The following MCC variants were observed in gnomAD, a reference collection of about 807,000 sequenced individuals.
The protein encoded by MCC is colorectal mutant cancer protein.
Under a neutral mutation model 116.2 loss-of-function variants are expected in MCC, and 90 were observed. The observed-to-expected ratio is 0.77, with a 90% CI of 0.65 to 0.92. The LOEUF (loss-of-function observed/expected upper bound fraction) is 0.92, where lower values mean the gene tolerates loss of function less well. Among genes scored for constraint, MCC ranks in the 40% least tolerant of loss-of-function variants. The pLI, the probability that MCC is intolerant of heterozygous loss-of-function variation, is 0.00. For missense variants in MCC, 1,516 were observed against 1,312.2 expected, an observed-to-expected ratio of 1.16 and a Z score of -2.40; for synonymous variants, 578 against 510.5, an observed-to-expected ratio of 1.13 and a Z score of -1.78.
At chr5:113,135,084 C>T (rs529884477) in intron 5 of MCC, among the ~76,000 whole-genome samples, 6 of 151,368 alleles carry the variant, frequency 4.0e-5, no homozygotes, top group Non-Finnish European at 8.9e-5. Context: ...TGACTACAGG[C>T]GTCTGCCACC....
chr5:113,357,476 G>A (rs11948446), intron 2 of MCC, among the ~76,000 whole-genome samples: 4,616 of 152,120 alleles, frequency 0.03, 225 homozygotes, highest in African/African-American at 0.11. Context: ...AGGAATGTCC[G>A]GTGACCATCA....
chr5:113,450,954 CT>C (rs976956027), intron 1 of MCC, among the ~76,000 whole-genome samples: 1 of 152,274 alleles, frequency 6.6e-6, no homozygotes, highest in East Asian at 1.9e-4. Context: ...AAGACAGCCC[CT>C]ACCCTCCTTT....
Position 113,313,261 on chromosome 5 carries a change from C to T in MCC, c.627+27258G>A, listed in dbSNP as rs1026953878. Among the ~76,000 whole-genome samples, 4 of 152,082 alleles carry T rather than the reference C, an allele frequency of 2.6e-5. No individual in the cohort carries two copies. In the South Asian group the frequency reaches 8.3e-4, roughly 31 times the overall value. On this transcript the variant is annotated intron_variant, in intron 3 of 18. Coordinates refer to ENST00000408903, the MANE Select transcript of MCC (RefSeq NM_001085377.2). ...ACTCGGGAGGCTGAGGCAGGAGAAT[C>T]GCTTGAACCCAGGAGGCGGAGGTTG...
intron 3 of MCC, among the ~76,000 whole-genome samples, chr5:113,191,785 G>A (rs1042662270): frequency 6.6e-6 from 1 of 152,140 alleles, no homozygotes; most frequent in Admixed American, 6.5e-5. Flanking sequence ...GCCCCCAGTG[G>A]GCCACCACTC....
At chr5:113,268,612 G>A (rs1458143702) in intron 3 of MCC, among the ~76,000 whole-genome samples, 9 of 152,146 alleles carry the variant, frequency 5.9e-5, no homozygotes, top group Non-Finnish European at 8.8e-5. Context: ...CTAGGATACT[G>A]CTATATACAA....
intron 3 of MCC, among the ~76,000 whole-genome samples, chr5:113,164,591 C>T (rs1269622656): frequency 6.6e-6 from 1 of 152,188 alleles, no homozygotes; most frequent in East Asian, 1.9e-4. Flanking sequence ...CAAGAGTTTT[C>T]ATAGAATTCT....
chr5:113,091,717 AC>A (rs553584675), intron 8 of MCC, among the ~76,000 whole-genome samples: 292 of 151,838 alleles, frequency 1.9e-3, no homozygotes, highest in Non-Finnish European at 3.6e-3. Flanking sequence ...CCCTGTCTCT[AC>A]AACAACAACA....
intron 3 of MCC, among the ~76,000 whole-genome samples, chr5:113,192,575 C>T (rs890625749): frequency 3.3e-5 from 5 of 152,164 alleles, no homozygotes; most frequent in African/African-American, 1.2e-4. Flanking sequence ...AGAAAGAATC[C>T]TAGCTCTGAA....
chr5:113,371,077 C>T (rs376231321), intron 2 of MCC, among the ~76,000 whole-genome samples: 6 of 152,050 alleles, frequency 3.9e-5, no homozygotes, highest in African/African-American at 9.7e-5. Flanking sequence ...AAAAATTAGC[C>T]GGGTGTGGTG....
chr5:113,120,399 A>G (rs1757668258), intron 6 of MCC, among the ~76,000 whole-genome samples: 2 of 152,186 alleles, frequency 1.3e-5, no homozygotes, highest in Admixed American at 6.5e-5. Flanking sequence ...GTACCAACAT[A>G]CAGCTCTCAA....
chr5:113,102,056 C>T (rs1581062780), intron 7 of MCC, 111 bp from the exon 8 acceptor site: 7 of 1,017,988 alleles, frequency 6.9e-6, no homozygotes, highest in South Asian at 2.9e-5. Flanking sequence ...TGTTCTAGAA[C>T]CACTTTGTTA....
At chr5:113,283,909 C>G (rs13174151) in intron 3 of MCC, among the ~76,000 whole-genome samples, 22,975 of 152,214 alleles carry the variant, frequency 0.15, 1,782 homozygotes, top group Non-Finnish European at 0.17. Context: ...TCCTCCTCAG[C>G]CTACTCTACA....
At chr5:113,437,432 T>C (rs1580374858) in intron 1 of MCC, among the ~76,000 whole-genome samples, 1 of 152,238 alleles carries the variant, frequency 6.6e-6, no homozygotes. Context: ...TTATGTTCTA[T>C]GTCTTCCAAG....
rs1189796157 is a variant in MCC at position 113,434,738 on chromosome 5, C to T, written c.171-49526G>A. On this transcript the variant is annotated intron_variant, in intron 1 of 18. Coordinates refer to ENST00000408903, the MANE Select transcript of MCC (RefSeq NM_001085377.2). The surrounding 1 kb of genome is among the most constrained non-coding windows in gnomAD (Gnocchi z 4.2). ...TGATCTTGATCGCCACATTGAACTTCAGGCGCTCAGAGTAAGCAGATTTTA... is the reference window on the plus strand; with the variant it reads ...TGATCTTGATCGCCACATTGAACTTTAGGCGCTCAGAGTAAGCAGATTTTA... The T allele has an allele frequency of 6.2e-7, 1 of 1,614,002 alleles. No individual in the cohort carries two copies. Among genetic ancestry groups the T allele is most frequent in the South Asian group, 1.1e-5 (1 of 91,082 alleles).
intron 3 of MCC, among the ~76,000 whole-genome samples, chr5:113,334,905 T>A (rs1023263518): frequency 3.3e-5 from 5 of 151,640 alleles, no homozygotes; most frequent in South Asian, 2.1e-4. Context: ...TTCTGAATTT[T>A]AAAAAAATCA....
At chr5:113,334,590 A>ATTTTTTTTTT (rs58288026) in intron 3 of MCC, among the ~76,000 whole-genome samples, 2 of 120,886 alleles carry the variant, frequency 1.7e-5, no homozygotes, top group Non-Finnish European at 3.2e-5. Context: ...CTGATTTCTG[A>ATTTTTTTTTT]TTTTTTTTTT....
At chr5:113,284,333 T>C (rs570571715) in intron 3 of MCC, among the ~76,000 whole-genome samples, 11 of 152,358 alleles carry the variant, frequency 7.2e-5, no homozygotes, top group African/African-American at 2.4e-4. Context: ...GGAATTCTAC[T>C]GCAGGGGTGG....
intron 3 of MCC, among the ~76,000 whole-genome samples, chr5:113,288,178 C>T (rs764677370): frequency 3.3e-5 from 5 of 152,200 alleles, no homozygotes; most frequent in Non-Finnish European, 7.3e-5. Flanking sequence ...GCCATGCAGC[C>T]GTGGCCACTA....
intron 3 of MCC, among the ~76,000 whole-genome samples, chr5:113,336,610 T>C: frequency 6.7e-6 from 1 of 148,254 alleles, no homozygotes; most frequent in Non-Finnish European, 1.5e-5. Flanking sequence ...GACAAACCTA[T>C]AGTAACTTCA....
Sources: gnomAD v4.1 joint callset for allele counts (sites outside exome capture counted in the v4.1 genomes callset) on GRCh38, gnomAD v4.1.1 for gene constraint, Gnocchi (gnomAD v3.1) non-coding constraint, MANE v1.5 for transcripts, NCBI Gene and HGNC (gene_info 2026-07-23, HGNC 2026-07-21) for gene names.